Variants in KDM4B observed in about 807,000 individuals in gnomAD.
KDM4B encodes the protein lysine demethylase 4B.
In KDM4B, 32 loss-of-function variants were observed where a neutral mutation model predicts 125.2. The ratio of observed to expected loss-of-function variants is 0.26; its 90% CI spans 0.19 to 0.34. The LOEUF is 0.34. Ranked by LOEUF, KDM4B falls within the 10% of genes least tolerant of loss-of-function variation. The pLI, the probability that KDM4B is intolerant of heterozygous loss-of-function variation, is 1.00. For synonymous variants in KDM4B, 721 were observed against 677.9 expected (o/e 1.06, Z -0.99); for missense variants, 1,190 against 1,577.7 (o/e 0.75, Z 4.16).
chr19:5,056,208 A>G (rs558208683), intron 6 of KDM4B, among the ~76,000 whole-genome samples: 1 of 152,264 alleles, frequency 6.6e-6, no homozygotes, highest in Non-Finnish European at 1.5e-5. Context: ...GGAAGACCAC[A>G]GGGGCGAAGG....
chr19:5,088,804 G>C (rs2038594772), intron 9 of KDM4B, among the ~76,000 whole-genome samples: 1 of 152,166 alleles, frequency 6.6e-6, no homozygotes, highest in South Asian at 2.1e-4. Context: ...ACAGAAGGAA[G>C]AATGTGCATT....
At chr19:5,039,119 G>A (rs1204895752) in intron 3 of KDM4B, among the ~76,000 whole-genome samples, 4 of 152,214 alleles carry the variant, frequency 2.6e-5, no homozygotes, top group Non-Finnish European at 4.4e-5. Flanking sequence ...GAGCTGCAGC[G>A]CTTATGACCA....
Position 5,131,504 on chromosome 19 carries a change from G to T in KDM4B, c.1744G>T (p.Ala582Ser). 1 of 1,593,516 alleles carries T rather than the reference G, an allele frequency of 6.3e-7. No individual in the cohort carries two copies. Among genetic ancestry groups the T allele is most frequent in the Non-Finnish European group, 8.5e-7 (1 of 1,176,990 alleles). Residue 582 changes from alanine (A) to serine (S), a missense_variant, in exon 12 of 23, where the codon GCA becomes TCA. Physicochemically the swap from Ala to Ser is moderately conservative, Grantham distance 99. Coordinates refer to ENST00000159111, the MANE Select transcript of KDM4B (RefSeq NM_015015.3). ...AGAGGACGGTGCAGCCAGCAGTGGG[G>T]CAGGTCGCATGGAGACCAAAGCCCG... ...GPEDGAASSG[A>S]GRMETKARAG...
intron 11 of KDM4B, among the ~76,000 whole-genome samples, chr19:5,129,017 T>A (rs1028795747): frequency 2.0e-5 from 3 of 152,026 alleles, no homozygotes; most frequent in Admixed American, 2.0e-4. Flanking sequence ...TGCCCCAGAA[T>A]GCTCAGGACT....
intron 6 of KDM4B, among the ~76,000 whole-genome samples, chr19:5,056,764 C>T (rs1032179089): frequency 6.6e-5 from 10 of 151,924 alleles, no homozygotes; most frequent in African/African-American, 9.7e-5. Flanking sequence ...GAGACCCTCA[C>T]GGCAGCAGCA....
At position 5,111,710 on chromosome 19, in the gene KDM4B, G is replaced by C. The variant is rs936009051; in HGVS notation, c.1115+892G>C. On this transcript the variant is annotated intron_variant, in intron 10 of 22. Transcript: ENST00000159111. The stretch of plus-strand genomic sequence containing the variant: ...GGAGCCGGGAGGGACGGCACAGAGT[G>C]GGCTCAGCCAACTCCTCCGGGGAAG... 10 of 757,892 alleles carry C rather than the reference G, an allele frequency of 1.3e-5. No homozygotes were observed. The Admixed American group carries it at 1.4e-4, about 10-fold the overall frequency. 46.9% of individuals were successfully genotyped at this position (757,892 alleles called of 1,614,324 possible).
intron 4 of KDM4B, 125 bp downstream of exon 4, chr19:5,040,136 G>A: frequency 9.1e-7 from 1 of 1,096,126 alleles, no homozygotes; most frequent in Non-Finnish European, 1.3e-6. Flanking sequence ...TGCTCTGTGT[G>A]CCCCGTGTGG....
intron 6 of KDM4B, among the ~76,000 whole-genome samples, chr19:5,051,372 C>T (rs997319564): frequency 2.0e-5 from 3 of 152,220 alleles, no homozygotes; most frequent in African/African-American, 4.8e-5. Context: ...GCCGAGGCTT[C>T]GGGTCCCCTT....
At chr19:5,107,959 C>T (rs919914478) in intron 9 of KDM4B, among the ~76,000 whole-genome samples, 3 of 152,364 alleles carry the variant, frequency 2.0e-5, no homozygotes, top group Non-Finnish European at 2.9e-5. Context: ...CAGGAATGCT[C>T]CCAGCCGCCA....
chr19:4,974,778 AAAAC>A (rs201538832), intron 1 of KDM4B, among the ~76,000 whole-genome samples: 11 of 151,594 alleles, frequency 7.3e-5, no homozygotes, highest in African/African-American at 1.7e-4. Context: ...AGTAAAAACC[AAAAC>A]AAACAAACAA....
chr19:5,131,951 G>A lies in KDM4B; in HGVS notation c.1850G>A (p.Arg617Gln), dbSNP rs377663233. 2.4e-5 allele frequency: 38 copies of A among 1,612,148 alleles called. No individual in the cohort carries two copies. In the Middle Eastern group the frequency reaches 4.9e-4, roughly 21 times the overall value. Reference sequence around the variant, plus strand: ...AAGAGCCGGCGCCATCCCCTGGGCCGGCCGCCCACCCGGTCCCCACTGTCG... The same window carrying A: ...AAGAGCCGGCGCCATCCCCTGGGCCAGCCGCCCACCCGGTCCCCACTGTCG... The part of the protein sequence containing the change: ...IKKSRRHPLG[R>Q]PPTRSPLSVV... The change falls in exon 13 of 23, where the codon CGG (arginine) becomes CAG (glutamine). Residue 617 changes from arginine to glutamine, a missense_variant. By Grantham distance (43) the Arg-to-Gln change is conservative. This residue lies in a region of KDM4B where 13 missense variants were observed against 34.8 expected (regional missense o/e 0.37). Coordinates refer to ENST00000159111, the MANE Select transcript of KDM4B (RefSeq NM_015015.3).
intron 1 of KDM4B, among the ~76,000 whole-genome samples, chr19:4,985,930 C>T (rs1272007200): frequency 6.6e-6 from 1 of 152,226 alleles, no homozygotes; most frequent in Non-Finnish European, 1.5e-5. Context: ...GTGTTCTGCA[C>T]CGGCCGTCTC....
chr19:5,062,438 G>A (rs557437183), intron 6 of KDM4B, among the ~76,000 whole-genome samples: 6 of 152,364 alleles, frequency 3.9e-5, no homozygotes, highest in East Asian at 1.9e-4. Context: ...GTCCCCATGC[G>A]CTGTTGCAGG....
intron 8 of KDM4B, 160 bp downstream of exon 8, chr19:5,077,630 C>T (rs2038159366): frequency 3.3e-6 from 2 of 604,946 alleles, no homozygotes; most frequent in Non-Finnish European, 2.9e-6. Flanking sequence ...CAGCAGTTAG[C>T]CTCCAGCTCT....
At chr19:5,123,753 G>T (rs141493093) in intron 11 of KDM4B, among the ~76,000 whole-genome samples, 1 of 152,240 alleles carries the variant, frequency 6.6e-6, no homozygotes. Flanking sequence ...AGCATGGGTC[G>T]TGCTGGTAGA....
intron 9 of KDM4B, among the ~76,000 whole-genome samples, chr19:5,090,600 T>G (rs12972036): frequency 5.2e-4 from 29 of 55,720 alleles, no homozygotes; most frequent in Non-Finnish European, 8.2e-4. Flanking sequence ...CTCCCTCTCT[T>G]TCTCTCTCTC....
At chr19:5,071,300 C>A (rs1395669156) in intron 7 of KDM4B, among the ~76,000 whole-genome samples, 2 of 152,256 alleles carry the variant, frequency 1.3e-5, no homozygotes, top group African/African-American at 4.8e-5. Context: ...AATGCCCAGA[C>A]GCTCCTGTTT....
At chr19:4,983,135 C>CTTT (rs76958173) in intron 1 of KDM4B, among the ~76,000 whole-genome samples, 7,558 of 130,504 alleles carry the variant, frequency 0.058, 698 homozygotes, top group African/African-American at 0.19. Context: ...TTTTTCTTTT[C>CTTT]TTTTTTTTTT....
chr19:5,134,603 C>T (rs985184715), intron 14 of KDM4B, among the ~76,000 whole-genome samples: 2 of 152,198 alleles, frequency 1.3e-5, no homozygotes, highest in African/African-American at 2.4e-5. Context: ...TCTCTTAGAT[C>T]CCCCCTTCTC....
Sources: allele counts gnomAD v4.1 joint callset (sites outside exome capture counted in the v4.1 genomes callset), GRCh38; gene constraint gnomAD v4.1.1; regional missense constraint gnomAD v4.1.1; transcripts MANE v1.5; gene names NCBI Gene and HGNC (gene_info 2026-07-23, HGNC 2026-07-21).